The following TEAD1 variants were observed in gnomAD, a reference collection of about 807,000 sequenced individuals.
TEAD1 encodes TEA domain transcription factor 1, also known as transcriptional enhancer factor TEF-1.
A neutral mutation model predicts 54.9 loss-of-function variants in TEAD1; 9 were observed. That is an observed-to-expected ratio of 0.16 (90% confidence interval 0.10 to 0.29). TEAD1 has a LOEUF of 0.29. Among genes scored for constraint, TEAD1 ranks in the 10% least tolerant of loss-of-function variants. TEAD1 has a pLI of 1.00. For missense variants in TEAD1, 387 were observed against 535.9 expected, an observed-to-expected ratio of 0.72 and a Z score of 2.74; for synonymous variants, 200 against 187.8, an observed-to-expected ratio of 1.07 and a Z score of -0.53.
chr11:12,769,556 C>T (rs910232663), intron 3 of TEAD1, among the ~76,000 whole-genome samples: 4 of 152,048 alleles, frequency 2.6e-5, no homozygotes, highest in East Asian at 3.9e-4. Context: ...CTCATAACAG[C>T]TCTTTGAGGA....
chr11:12,704,122 T>A (rs1030257624), intron 2 of TEAD1, among the ~76,000 whole-genome samples: 2 of 152,244 alleles, frequency 1.3e-5, no homozygotes, highest in African/African-American at 4.8e-5. Flanking sequence ...ATGGCTGAGT[T>A]GGCGTTGTGT....
intron 3 of TEAD1, among the ~76,000 whole-genome samples, chr11:12,766,887 T>G (rs534577401): frequency 1.3e-5 from 2 of 152,174 alleles, no homozygotes; most frequent in Non-Finnish European, 2.9e-5. Flanking sequence ...TGTATCCTAA[T>G]TGGGGCTCAG....
At chr11:12,808,048 T>A (rs1472456174) in intron 3 of TEAD1, among the ~76,000 whole-genome samples, 1 of 152,186 alleles carries the variant, frequency 6.6e-6, no homozygotes, top group Admixed American at 6.5e-5. Context: ...GAAGTTTTGT[T>A]TCTAAATGAA....
intron 2 of TEAD1, among the ~76,000 whole-genome samples, chr11:12,725,167 G>C (rs1214556065): frequency 6.6e-6 from 1 of 152,134 alleles, no homozygotes; most frequent in Non-Finnish European, 1.5e-5. Flanking sequence ...CTCTGAATTG[G>C]ATATATTGTT....
chr11:12,920,232 G>A (rs929521916), intron 10 of TEAD1, among the ~76,000 whole-genome samples: 4 of 152,162 alleles, frequency 2.6e-5, no homozygotes, highest in South Asian at 2.1e-4. Flanking sequence ...TTTCACCAGC[G>A]TTACTTAAGC....
chr11:12,903,479 C>T (rs1948458477), intron 10 of TEAD1, among the ~76,000 whole-genome samples: 1 of 152,216 alleles, frequency 6.6e-6, no homozygotes, highest in Non-Finnish European at 1.5e-5. Context: ...TTTTAGCCTT[C>T]CATGATAACT....
intron 10 of TEAD1, among the ~76,000 whole-genome samples, chr11:12,913,150 C>G (rs1433453305): frequency 1.3e-5 from 2 of 152,154 alleles, no homozygotes. Flanking sequence ...CTGGACACTT[C>G]AGGGATCTCA....
intron 2 of TEAD1, among the ~76,000 whole-genome samples, chr11:12,757,621 G>A (rs574379547): frequency 6.6e-6 from 1 of 152,198 alleles, no homozygotes; most frequent in Non-Finnish European, 1.5e-5. Context: ...ATTTTCTCTG[G>A]GTCTCTTACT....
chr11:12,809,611 G>A (rs1946250701), intron 3 of TEAD1, among the ~76,000 whole-genome samples: 1 of 151,830 alleles, frequency 6.6e-6, no homozygotes, highest in Non-Finnish European at 1.5e-5. Flanking sequence ...GTGGGGCCCA[G>A]CCTTTCTTTA....
intron 3 of TEAD1, among the ~76,000 whole-genome samples, chr11:12,812,059 A>G (rs1031300397): frequency 3.3e-5 from 5 of 152,074 alleles, no homozygotes; most frequent in African/African-American, 1.2e-4. Context: ...CTGCGATTGG[A>G]TGGATCGTCT....
intron 2 of TEAD1, among the ~76,000 whole-genome samples, chr11:12,717,441 C>T (rs1298921455): frequency 2.0e-5 from 3 of 152,238 alleles, no homozygotes; most frequent in Non-Finnish European, 4.4e-5. Context: ...AGTGGAATTA[C>T]ACCTCCACAG....
intron 3 of TEAD1, among the ~76,000 whole-genome samples, chr11:12,855,180 T>C (rs982409826): frequency 2.0e-5 from 3 of 152,230 alleles, no homozygotes; most frequent in Non-Finnish European, 4.4e-5. Context: ...AACACCCCCA[T>C]TCTGTAGACC....
chr11:12,799,271 C>G (rs1946001826), intron 3 of TEAD1, among the ~76,000 whole-genome samples: 1 of 152,178 alleles, frequency 6.6e-6, no homozygotes. Flanking sequence ...TTTTCATTAT[C>G]CCACTTCACA....
chr11:12,809,727 G>A (rs539217808), intron 3 of TEAD1, among the ~76,000 whole-genome samples: 1 of 152,178 alleles, frequency 6.6e-6, no homozygotes, highest in African/African-American at 2.4e-5. Context: ...ACCACTGGGG[G>A]CTGGCTGGGC....
intron 4 of TEAD1, chr11:12,864,618 T>TTTTGC: frequency 1.2e-6 from 1 of 860,242 alleles, no homozygotes; most frequent in Non-Finnish European, 1.5e-6. Context: ...TGATTTCCTT[T>TTTTGC]TTTGTTTTGT....
At chr11:12,929,982 A>G (rs985761364) in intron 11 of TEAD1, among the ~76,000 whole-genome samples, 192 bp from the exon 12 acceptor site, 2 of 152,192 alleles carry the variant, frequency 1.3e-5, no homozygotes, top group African/African-American at 2.4e-5. Context: ...ACTTCCAGAA[A>G]AATAATGGAT....
intron 2 of TEAD1, among the ~76,000 whole-genome samples, chr11:12,720,884 ACT>A (rs1033509558): frequency 2.0e-5 from 3 of 151,950 alleles, no homozygotes; most frequent in African/African-American, 7.3e-5. Context: ...AGAAAATGTG[ACT>A]CTCTGACCAT....
At chr11:12,880,879 T>C in intron 6 of TEAD1, 126 bp from the exon 7 acceptor site, 1 of 1,104,754 alleles carries the variant, frequency 9.1e-7, no homozygotes, top group Non-Finnish European at 1.4e-6. Context: ...ATTTGCACTC[T>C]GGGAAAGCGA....
At chr11:12,736,554 G>T (rs1021256938) in intron 2 of TEAD1, among the ~76,000 whole-genome samples, 2 of 152,148 alleles carry the variant, frequency 1.3e-5, no homozygotes, top group African/African-American at 2.4e-5. Flanking sequence ...TAAAAAATGT[G>T]CGTCTATGAA....
Sources: allele counts gnomAD v4.1 joint callset (sites outside exome capture counted in the v4.1 genomes callset), GRCh38; gene constraint gnomAD v4.1.1; transcripts MANE v1.5; gene names NCBI Gene and HGNC (gene_info 2026-07-23, HGNC 2026-07-21).